Variants in GFPT2 observed in about 807,000 individuals in gnomAD.
GFPT2 encodes glutamine--fructose-6-phosphate transaminase 2.
A neutral mutation model predicts 85.6 loss-of-function variants in GFPT2; 62 were observed. The observed-to-expected ratio is 0.72, with a 90% CI of 0.59 to 0.90. GFPT2 has a LOEUF of 0.90. Among genes scored for constraint, GFPT2 ranks in the 40% least tolerant of loss-of-function variants. GFPT2 has a pLI of 0.00. For missense variants in GFPT2, 788 were observed against 893.4 expected (o/e 0.88, Z 1.50); for synonymous variants, 368 against 344.5 (o/e 1.07, Z -0.75).
chr5:180,308,989 C>T (rs550795865), intron 15 of GFPT2, among the ~76,000 whole-genome samples: 5 of 152,118 alleles, frequency 3.3e-5, no homozygotes, highest in Non-Finnish European at 7.4e-5. Context: ...CCTGCCTCAG[C>T]CTCCTGAGTA....
Position 180,331,619 on chromosome 5 carries a change from G to A in GFPT2, c.341-66C>T, listed in dbSNP as rs141912196. 11 of 951,008 alleles carry A rather than the reference G, an allele frequency of 1.2e-5. No individual in the cohort carries two copies. The East Asian group carries it at 2.7e-4, about 23-fold the overall frequency. The allele number at this position is 951,008 out of a possible 1,614,324, so 58.9% of individuals were successfully genotyped here. A position where few individuals can be genotyped will look rare whatever the true frequency, so the allele number is the denominator to read the frequency against. ...GTTCATGTCAGATGTGAAGAGAGAT[G>A]ATTTCAAGGCTTGAGAACTCTCTGC... is the stretch of plus-strand genomic sequence containing the variant. On this transcript the variant is annotated intron_variant, in intron 4 of 18. Transcript: ENST00000253778.
intron 1 of GFPT2, among the ~76,000 whole-genome samples, chr5:180,341,526 T>A (rs1289183243): frequency 2.0e-5 from 3 of 152,258 alleles, no homozygotes; most frequent in Non-Finnish European, 2.9e-5. Flanking sequence ...AATTAAATAG[T>A]ACTATAAATT....
chr5:180,323,533 T>TCC lies in GFPT2; in HGVS notation c.794+653_794+654dup, dbSNP rs1226916310. On this transcript the variant is annotated intron_variant, in intron 9 of 18. Transcript: ENST00000253778. This position sits in a 1 kb window ranked among gnomAD's most constrained non-coding sequence, Gnocchi z 4.0. Reference sequence around the variant, plus strand: ...CAGGAAAGTGCTCTGGTTCTCTCTCTCCCTCTCTCTCTCTCTGTGTGTGTG... The same window carrying TCC: ...CAGGAAAGTGCTCTGGTTCTCTCTCTCCCCCTCTCTCTCTCTCTGTGTGTGTG... 6.6e-6 allele frequency among the ~76,000 whole-genome samples: 1 copy of TCC among 152,112 alleles called. No individual in the cohort carries two copies. Among genetic ancestry groups the TCC allele is most frequent in the Non-Finnish European group, 1.5e-5 (1 of 68,010 alleles).
intron 4 of GFPT2, among the ~76,000 whole-genome samples, chr5:180,335,498 C>G (rs547319404): frequency 1.3e-5 from 2 of 152,220 alleles, no homozygotes; most frequent in Non-Finnish European, 2.9e-5. Context: ...TGGGGAGGAA[C>G]AGTGCCCAGG....
intron 15 of GFPT2, among the ~76,000 whole-genome samples, chr5:180,308,141 A>G (rs1763814614): frequency 6.6e-6 from 1 of 152,112 alleles, no homozygotes; most frequent in African/African-American, 2.4e-5. Context: ...CTGTAGTCCC[A>G]GCTACTCGGG....
At position 180,313,922 on chromosome 5, in the gene GFPT2, T is replaced by C. The variant is rs1763951727; in HGVS notation, c.1316A>G (p.Asp439Gly). 1.9e-6 allele frequency: 3 copies of C among 1,605,110 alleles called. No individual in the cohort carries two copies. Among genetic ancestry groups the C allele is most frequent in the South Asian group, 2.2e-5 (2 of 90,798 alleles). The change falls in exon 14 of 19, where the codon GAC becomes GGC. Residue 439 changes from aspartate to glycine, a missense_variant. Physicochemically the swap from Asp to Gly is moderately conservative, Grantham distance 94. Transcript: ENST00000253778. Reference protein sequence around the residue: ...DTLLALRYCKDRGALTVGVTN... With the variant: ...DTLLALRYCKGRGALTVGVTN... The stretch of plus-strand genomic sequence containing the variant: ...GACGCCCACGGTGAGAGCGCCGCGG[T>C]CCTTACAGTAGCGCAGCGCCAGGAG...
chr5:180,305,032 A>G, intron 16 of GFPT2, 93 bp from the exon 17 acceptor site: 1 of 893,134 alleles, frequency 1.1e-6, no homozygotes, highest in Non-Finnish European at 1.8e-6. Context: ...GGGAAGGATG[A>G]CTCTGGAAGG....
intron 1 of GFPT2, among the ~76,000 whole-genome samples, chr5:180,342,405 A>AAGTTTTTTTTTTTTTTTTTTTTTTTT (rs1764534093): frequency 8.2e-6 from 1 of 121,396 alleles, no homozygotes. Flanking sequence ...TTTAGGTGAA[A>AAGTTTTTTTTTTTTTTTTTTTTTTTT]TGTTTTTTTT....
intron 1 of GFPT2, among the ~76,000 whole-genome samples, chr5:180,349,615 C>T (rs955878056): frequency 5.3e-5 from 8 of 152,162 alleles, no homozygotes; most frequent in African/African-American, 1.9e-4. Flanking sequence ...GAGAGGCCGG[C>T]GACAGATTCT....
intron 16 of GFPT2, among the ~76,000 whole-genome samples, chr5:180,306,903 A>G (rs928138881): frequency 2.6e-5 from 4 of 152,178 alleles, no homozygotes; most frequent in African/African-American, 9.7e-5. Flanking sequence ...CAGTGCCTGG[A>G]CAGCCGGAGG....
At position 180,323,797 on chromosome 5, in the gene GFPT2, A is replaced by C. The variant is rs1283393791; in HGVS notation, c.794+391T>G. 2.6e-5 allele frequency among the ~76,000 whole-genome samples: 4 copies of C among 152,246 alleles called. No homozygotes were observed. The highest frequency in any genetic ancestry group is 5.9e-5 in the Non-Finnish European group (4 of 68,046). On this transcript the variant is annotated intron_variant, in intron 9 of 18. Transcript: ENST00000253778. This position sits in a 1 kb window ranked among gnomAD's most constrained non-coding sequence, Gnocchi z 4.0. ...CATCTAAAGGGGGCAGCCTTTGAGC[A>C]GATCCAGACACCTGCCACCTGAGAG...
chr5:180,331,619 G>T (rs141912196), intron 4 of GFPT2, 66 bp from the exon 5 acceptor site: 2 of 950,890 alleles, frequency 2.1e-6, no homozygotes, highest in African/African-American at 1.6e-5. Flanking sequence ...GAAGAGAGAT[G>T]ATTTCAAGGC....
intron 2 of GFPT2, among the ~76,000 whole-genome samples, chr5:180,337,665 C>T (rs1764427536): frequency 7.9e-6 from 1 of 127,048 alleles, no homozygotes; most frequent in Admixed American, 7.4e-5. Context: ...ATGAAGCCAC[C>T]TCACTGAGGC....
At chr5:180,341,075 CTCT>C (rs1449829920) in intron 1 of GFPT2, among the ~76,000 whole-genome samples, 1 of 152,216 alleles carries the variant, frequency 6.6e-6, no homozygotes, top group Non-Finnish European at 1.5e-5. Flanking sequence ...CATGGCCCTC[CTCT>C]TAACTTCTGG....
chr5:180,335,707 G>A, intron 4 of GFPT2, 121 bp downstream of exon 4: 2 of 1,050,600 alleles, frequency 1.9e-6, no homozygotes, highest in South Asian at 3.1e-5. Flanking sequence ...ATTCTCTTGG[G>A]AAGATGAAGT....
At chr5:180,349,264 C>T (rs2127658896) in intron 1 of GFPT2, among the ~76,000 whole-genome samples, 1 of 151,956 alleles carries the variant, frequency 6.6e-6, no homozygotes, top group Admixed American at 6.6e-5. Context: ...CCATGATTGC[C>T]CCACTGCATC....
In GFPT2 at chr5:180,313,978, G is replaced by A. The variant is rs745952615; in HGVS notation, c.1274-14C>T. 3 of 1,586,576 alleles carry A rather than the reference G, an allele frequency of 1.9e-6. No individual in the cohort carries two copies. The highest frequency in any genetic ancestry group is 2.6e-6 in the Non-Finnish European group (3 of 1,173,206). On this transcript the variant is annotated splice_polypyrimidine_tract_variant and intron_variant, in intron 13 of 18. Coordinates refer to ENST00000253778, the MANE Select transcript of GFPT2 (RefSeq NM_005110.4). ...CCGCGGTCTCGCCTGCCGCCCAGGGGCCCTCTCAGTGCCGCGCTCCGCCAG... is the reference window on the plus strand; with the variant it reads ...CCGCGGTCTCGCCTGCCGCCCAGGGACCCTCTCAGTGCCGCGCTCCGCCAG...
intron 1 of GFPT2, among the ~76,000 whole-genome samples, chr5:180,350,432 C>A (rs889167347): frequency 6.6e-6 from 1 of 152,216 alleles, no homozygotes; most frequent in Non-Finnish European, 1.5e-5. Context: ...GGCTGTAGCC[C>A]GTGCTCAAGG....
Position 180,328,322 on chromosome 5 carries a change from A to G in GFPT2, c.551T>C (p.Leu184Pro), listed in dbSNP as rs1244767484. ...VIQQLEGAFA[L>P]VFKSVHYPGE... The stretch of plus-strand genomic sequence containing the variant: ...TGGGTAGTGGACACTCTTGAAAACC[A>G]GCGCGAATGCACCTTCCTGAAAACA... The change falls in exon 7 of 19, where the codon CTG becomes CCG. Residue 184 changes from leucine to proline, a missense_variant. By Grantham distance (98) the Leu-to-Pro change is moderately conservative. Transcript: ENST00000253778. The surrounding 1 kb of genome is among the most constrained non-coding windows in gnomAD (Gnocchi z 5.4). The G allele has an allele frequency of 3.7e-6, 6 of 1,613,262 alleles. No individual in the cohort carries two copies. Among genetic ancestry groups the G allele is most frequent in the East Asian group, 2.2e-5 (1 of 44,866 alleles).
Sources: allele counts gnomAD v4.1 joint callset (sites outside exome capture counted in the v4.1 genomes callset), GRCh38; gene constraint gnomAD v4.1.1; non-coding constraint Gnocchi (gnomAD v3.1); transcripts MANE v1.5; gene names NCBI Gene and HGNC (gene_info 2026-07-23, HGNC 2026-07-21).